The following PXDNL variants were observed in gnomAD, a reference collection of about 807,000 sequenced individuals.
The protein encoded by PXDNL is peroxidasin like, also known as probable oxidoreductase PXDNL.
A neutral mutation model predicts 150.8 loss-of-function variants in PXDNL; 145 were observed. The ratio of observed to expected loss-of-function variants is 0.96; its 90% confidence interval spans 0.84 to 1.10. The LOEUF is 1.10. Ranked by LOEUF, PXDNL falls within the 50% of genes least tolerant of loss-of-function variation. PXDNL has a pLI of 0.00. For missense variants in PXDNL, 2,087 were observed against 1,873.9 expected (o/e 1.11, Z -2.10); for synonymous variants, 757 against 725.7 (o/e 1.04, Z -0.69).
chr8:51,592,333 G>A (rs1264235799), intron 3 of PXDNL, among the ~76,000 whole-genome samples: 1 of 152,138 alleles, frequency 6.6e-6, no homozygotes, highest in Non-Finnish European at 1.5e-5. Context: ...AAATTACTGA[G>A]TAATTAAATT....
At chr8:51,714,084 G>T (rs907684775) in intron 1 of PXDNL, among the ~76,000 whole-genome samples, 1 of 152,144 alleles carries the variant, frequency 6.6e-6, no homozygotes, top group South Asian at 2.1e-4. Flanking sequence ...ATAGTACATT[G>T]AGTTCAACTC....
At chr8:51,676,155 G>A (rs928088462) in intron 1 of PXDNL, among the ~76,000 whole-genome samples, 2 of 152,070 alleles carry the variant, frequency 1.3e-5, no homozygotes, top group Non-Finnish European at 1.5e-5. Context: ...TATTACTGAT[G>A]TTGTTATCTT....
intron 3 of PXDNL, among the ~76,000 whole-genome samples, chr8:51,562,796 T>C (rs1483366910): frequency 2.0e-5 from 3 of 151,970 alleles, no homozygotes. Flanking sequence ...ATAGAGGTGC[T>C]GAGATGGCTG....
intron 17 of PXDNL, among the ~76,000 whole-genome samples, chr8:51,377,950 T>A (rs1165154248): frequency 6.6e-6 from 1 of 152,228 alleles, no homozygotes; most frequent in Non-Finnish European, 1.5e-5. Flanking sequence ...TGCAGCCCCG[T>A]GCGGTATCCA....
intron 1 of PXDNL, among the ~76,000 whole-genome samples, chr8:51,680,380 G>C (rs1815717592): frequency 6.6e-6 from 1 of 152,074 alleles, no homozygotes; most frequent in East Asian, 1.9e-4. Flanking sequence ...TGAGTGCCTT[G>C]ACAATGAAGT....
intron 4 of PXDNL, among the ~76,000 whole-genome samples, chr8:51,542,147 AAG>A (rs1812230706): frequency 1.3e-5 from 2 of 150,522 alleles, no homozygotes; most frequent in South Asian, 4.3e-4. Flanking sequence ...TATTTTGAGA[AAG>A]GGGGAAAAAA....
intron 6 of PXDNL, among the ~76,000 whole-genome samples, chr8:51,476,553 TA>T (rs1270458782): frequency 6.6e-6 from 1 of 152,126 alleles, no homozygotes; most frequent in Non-Finnish European, 1.5e-5. Context: ...TATACTTCAC[TA>T]ATTTTTCTGT....
At chr8:51,666,179 C>T (rs1815381175) in intron 1 of PXDNL, among the ~76,000 whole-genome samples, 1 of 152,196 alleles carries the variant, frequency 6.6e-6, no homozygotes, top group Non-Finnish European at 1.5e-5. Context: ...CATCATTTTA[C>T]TTGATCTTTC....
chr8:51,781,139 A>G (rs1343005237), intron 1 of PXDNL, among the ~76,000 whole-genome samples: 1 of 152,222 alleles, frequency 6.6e-6, no homozygotes, highest in Non-Finnish European at 1.5e-5. Context: ...GGTCTACAGC[A>G]CATAGGTTAA....
At chr8:51,478,997 G>T (rs995284748) in intron 6 of PXDNL, among the ~76,000 whole-genome samples, 2 of 152,138 alleles carry the variant, frequency 1.3e-5, no homozygotes, top group African/African-American at 4.8e-5. Flanking sequence ...TAAAACATTT[G>T]GAATAAGCAC....
chr8:51,438,584 G>A (rs181418132), intron 12 of PXDNL, among the ~76,000 whole-genome samples: 8 of 152,150 alleles, frequency 5.3e-5, no homozygotes, highest in Admixed American at 3.9e-4. Context: ...GCATGGTGGC[G>A]GGTGCCTATA....
At chr8:51,426,420 T>C (rs2129760176) in intron 13 of PXDNL, among the ~76,000 whole-genome samples, 1 of 151,524 alleles carries the variant, frequency 6.6e-6, no homozygotes, top group South Asian at 2.1e-4. Flanking sequence ...ACCAGGCAAA[T>C]TAGAAAGGAT....
intron 21 of PXDNL, among the ~76,000 whole-genome samples, chr8:51,329,853 T>G (rs1805629432): frequency 6.6e-6 from 1 of 152,164 alleles, no homozygotes; most frequent in South Asian, 2.1e-4. Flanking sequence ...AGGAATTGGA[T>G]CCATGTTTAT....
At chr8:51,465,748 C>G (rs1810191788) in intron 8 of PXDNL, among the ~76,000 whole-genome samples, 1 of 152,070 alleles carries the variant, frequency 6.6e-6, no homozygotes, top group South Asian at 2.1e-4. Context: ...TTTCTGTACA[C>G]CAATAATGTT....
intron 5 of PXDNL, among the ~76,000 whole-genome samples, chr8:51,486,975 T>C (rs1307855842): frequency 6.6e-6 from 1 of 150,938 alleles, no homozygotes; most frequent in Non-Finnish European, 1.5e-5. Context: ...TTTGTATTTT[T>C]GTAGAGACGG....
intron 4 of PXDNL, among the ~76,000 whole-genome samples, chr8:51,521,280 T>C (rs966979623): frequency 1.3e-5 from 2 of 151,894 alleles, no homozygotes; most frequent in African/African-American, 4.8e-5. Flanking sequence ...CTGGAAAAAG[T>C]AAATGACTTA....
intron 3 of PXDNL, among the ~76,000 whole-genome samples, 177 bp downstream of exon 3, chr8:51,592,450 T>G (rs6987825): frequency 2.6e-5 from 4 of 152,024 alleles, no homozygotes; most frequent in Non-Finnish European, 5.9e-5. Context: ...ATGCACAATC[T>G]ATTGAAAGCA....
intron 4 of PXDNL, among the ~76,000 whole-genome samples, chr8:51,543,050 C>T (rs1812256876): frequency 6.6e-6 from 1 of 152,014 alleles, no homozygotes; most frequent in South Asian, 2.1e-4. Context: ...CTGCTCTTAC[C>T]AAATGTTTCA....
rs182706156 is a variant in PXDNL, at chr8:51,784,077, T to C, written c.164+25104A>G. Among the ~76,000 whole-genome samples the C allele has an allele frequency of 1.1e-4, 16 of 152,320 alleles. No individual in the cohort carries two copies. The East Asian group carries it at 3.1e-3, about 29-fold the overall frequency. On this transcript the variant is annotated intron_variant, in intron 1 of 22. Transcript: ENST00000356297. Reference sequence around the variant, plus strand: ...TGATAGAATAGATATGGCATAACACTACTCAGAAATCTCTGCTCAACATAC... The same window carrying C: ...TGATAGAATAGATATGGCATAACACCACTCAGAAATCTCTGCTCAACATAC...
Sources: allele counts gnomAD v4.1 joint callset (sites outside exome capture counted in the v4.1 genomes callset), GRCh38; gene constraint gnomAD v4.1.1; transcripts MANE v1.5; gene names NCBI Gene and HGNC (gene_info 2026-07-23, HGNC 2026-07-21).